Variants in DGKD observed in about 807,000 individuals in gnomAD.
The protein encoded by DGKD is diacylglycerol kinase delta.
DGKD carries 68 observed loss-of-function variants against 154.4 expected under a neutral mutation model. The ratio of observed to expected loss-of-function variants is 0.44; its 90% CI spans 0.36 to 0.54. The LOEUF (loss-of-function observed/expected upper bound fraction) is 0.54, where lower values mean the gene tolerates loss of function less well. Ranked by LOEUF, DGKD falls within the 20% of genes least tolerant of loss-of-function variation. The pLI is 0.00. For missense variants in DGKD, 1,343 were observed against 1,593.6 expected, an observed-to-expected ratio of 0.84 and a Z score of 2.68; for synonymous variants, 693 against 638.0, an observed-to-expected ratio of 1.09 and a Z score of -1.30.
intron 2 of DGKD, chr2:233,388,602 G>A (rs1483480556): frequency 5.3e-6 from 2 of 379,868 alleles, no homozygotes; most frequent in South Asian, 7.9e-5. Context: ...CGGTAATGGG[G>A]AAAAGGAAAA....
chr2:233,369,801 A>G (rs1265690304), intron 1 of DGKD, among the ~76,000 whole-genome samples: 1 of 151,976 alleles, frequency 6.6e-6, no homozygotes, highest in Non-Finnish European at 1.5e-5. Context: ...TTCCGTGTCC[A>G]TGTGTGTTCC....
At chr2:233,394,679 G>T (rs1410695307) in intron 3 of DGKD, among the ~76,000 whole-genome samples, 10 of 73,296 alleles carry the variant, frequency 1.4e-4, no homozygotes, top group East Asian at 1.3e-3. Context: ...TTATTATTTT[G>T]AATTTAATTC....
At position 233,449,817 on chromosome 2, in the gene DGKD, AG is replaced by A. The variant is rs1391641711; in HGVS notation, c.1889-160del. Among the ~76,000 whole-genome samples the A allele has an allele frequency of 1.3e-5, 2 of 151,390 alleles. No individual in the cohort carries two copies. The highest frequency in any genetic ancestry group is 3.0e-5 in the Non-Finnish European group (2 of 67,744). ...GACGCCCTGCCCCAGTGCCAGGACCAGGGGGAAGATGGGTGGGGGTGGGGTT... is the reference window on the plus strand; with the variant it reads ...GACGCCCTGCCCCAGTGCCAGGACCAGGGGAAGATGGGTGGGGGTGGGGTT... On this transcript the variant is annotated intron_variant, in intron 15 of 29. Coordinates refer to ENST00000264057, the MANE Select transcript of DGKD (RefSeq NM_152879.3). This position sits in a 1 kb window ranked among gnomAD's most constrained non-coding sequence, Gnocchi z 5.3.
At position 233,449,137 on chromosome 2, in the gene DGKD, T is replaced by C. The variant is rs2124859070; in HGVS notation, c.1649T>C (p.Leu550Pro). Residue 550 changes from leucine to proline, a missense_variant, in exon 15 of 30, where the codon CTC becomes CCC. Coordinates refer to ENST00000264057, the MANE Select transcript of DGKD (RefSeq NM_152879.3). The surrounding 1 kb of genome is among the most constrained non-coding windows in gnomAD (Gnocchi z 5.3). ...CTGAAAGAGAAGCTGGATTCCCTTC[T>C]CAAGACCTTGGACGATGAGTCCCAG... is the stretch of plus-strand genomic sequence containing the variant. Reference protein sequence around the residue: ...SVLKEKLDSLLKTLDDESQAS... With the variant: ...SVLKEKLDSLPKTLDDESQAS... The C allele has an allele frequency of 6.2e-7, 1 of 1,606,316 alleles. No homozygotes were observed. Among genetic ancestry groups the C allele is most frequent in the South Asian group, 1.1e-5 (1 of 90,926 alleles).
At chr2:233,429,278 T>C (rs1040756292) in intron 3 of DGKD, 10 of 985,240 alleles carry the variant, frequency 1.0e-5, no homozygotes, top group South Asian at 4.7e-5. Flanking sequence ...ACTCCTAATA[T>C]AATCCCCGAG....
chr2:233,388,413 C>T (rs772394423), intron 2 of DGKD, 46 bp downstream of exon 2: 17 of 1,564,222 alleles, frequency 1.1e-5, no homozygotes, highest in Middle Eastern at 1.7e-4. Flanking sequence ...TCACAGGAGC[C>T]GTCCCAGGGG....
intron 2 of DGKD, chr2:233,389,109 C>G (rs1357188020): frequency 6.6e-6 from 1 of 152,362 alleles, no homozygotes; most frequent in East Asian, 1.9e-4. Context: ...AAGTAATCTG[C>G]CCGCCTTGGC....
rs1209789373 is a variant in DGKD at position 233,354,737 on chromosome 2, C to T, written c.156+63C>T. The T allele has an allele frequency of 1.3e-4, 123 of 942,594 alleles. 1 individual carries two copies. The highest frequency in any genetic ancestry group is 1.2e-4 in the East Asian group (1 of 8,422). The allele number at this position is 942,594 out of a possible 1,614,324, so 58.4% of individuals were successfully genotyped here. On this transcript the variant is annotated intron_variant, in intron 1 of 29. Transcript: ENST00000264057. This position sits in a 1 kb window ranked among gnomAD's most constrained non-coding sequence, Gnocchi z 4.8. ...CACGCCGCGGCAGCCCCGGCCGAGG[C>T]CCGTGGCCCTGCCCGAGCGGCCGCC...
chr2:233,431,823 C>T (rs1559538738), intron 3 of DGKD, among the ~76,000 whole-genome samples: 1 of 152,162 alleles, frequency 6.6e-6, no homozygotes, highest in Non-Finnish European at 1.5e-5. Flanking sequence ...AATATCAAAT[C>T]AAAATGGATT....
At chr2:233,365,186 CAAAG>C (rs1031692278) in intron 1 of DGKD, among the ~76,000 whole-genome samples, 6 of 149,742 alleles carry the variant, frequency 4.0e-5, no homozygotes, top group South Asian at 2.1e-4. Context: ...ATCAAGTAGA[CAAAG>C]AAATTTGTAA....
intron 3 of DGKD, among the ~76,000 whole-genome samples, chr2:233,416,049 C>T (rs986926506): frequency 3.3e-5 from 5 of 152,178 alleles, no homozygotes; most frequent in South Asian, 4.1e-4. Context: ...CCAGTTTTCC[C>T]GGCTGCTTGT....
chr2:233,408,168 A>G (rs2061733303), intron 3 of DGKD, among the ~76,000 whole-genome samples: 1 of 149,958 alleles, frequency 6.7e-6, no homozygotes, highest in South Asian at 2.1e-4. Context: ...TCAGCCTCCC[A>G]AGTAGCTGGG....
At chr2:233,437,844 C>G (rs2062750646) in intron 8 of DGKD, among the ~76,000 whole-genome samples, 2 of 152,244 alleles carry the variant, frequency 1.3e-5, no homozygotes, top group Non-Finnish European at 2.9e-5. Context: ...TGTGCCCCAT[C>G]TCTGCCTAGC....
chr2:233,376,098 C>T (rs838709), intron 1 of DGKD, among the ~76,000 whole-genome samples: 15 of 151,900 alleles, frequency 9.9e-5, no homozygotes, highest in Non-Finnish European at 1.6e-4. Context: ...AACCACAGAG[C>T]GCATGTGTGT....
rs1042247606 is a variant in DGKD at position 233,449,851 on chromosome 2, C to T, written c.1889-131C>T. On this transcript the variant is annotated intron_variant, in intron 15 of 29. Transcript: ENST00000264057. This position sits in a 1 kb window ranked among gnomAD's most constrained non-coding sequence, Gnocchi z 5.3. ...ATGGGTGGGGGTGGGGTTTCGGAGT[C>T]CAAGCCTTTAGCCAGAGGTTGTTTG... is the stretch of plus-strand genomic sequence containing the variant. 8.5e-7 allele frequency: 1 copy of T among 1,170,062 alleles called. No homozygotes were observed. The highest frequency in any genetic ancestry group is 1.6e-5 in the African/African-American group (1 of 64,436). The allele number at this position is 1,170,062 out of a possible 1,614,324, so 72.5% of individuals were successfully genotyped here. A position where few individuals can be genotyped will look rare whatever the true frequency, so the allele number is the denominator to read the frequency against.
intron 1 of DGKD, among the ~76,000 whole-genome samples, chr2:233,360,626 T>G (rs983665484): frequency 1.3e-5 from 2 of 152,150 alleles, no homozygotes; most frequent in Non-Finnish European, 2.9e-5. Flanking sequence ...TGGGCTCAAG[T>G]GATCCTCCTG....
At chr2:233,406,778 A>G (rs774061166) in intron 3 of DGKD, among the ~76,000 whole-genome samples, 4 of 152,194 alleles carry the variant, frequency 2.6e-5, no homozygotes, top group Non-Finnish European at 4.4e-5. Context: ...TGACTTCTCC[A>G]AAGTGTGACA....
chr2:233,375,553 G>A (rs1379642411), intron 1 of DGKD, among the ~76,000 whole-genome samples: 4 of 152,124 alleles, frequency 2.6e-5, no homozygotes, highest in African/African-American at 7.2e-5. Context: ...CAGCACTGCC[G>A]CATTGTTCTC....
At position 233,436,344 on chromosome 2, in the gene DGKD, G is replaced by T; in HGVS notation, c.722G>T (p.Gly241Val). 1 of 1,614,216 alleles carries T rather than the reference G, an allele frequency of 6.2e-7. No homozygotes were observed. The highest frequency in any genetic ancestry group is 1.1e-5 in the South Asian group (1 of 91,072). ...GIAMPHQWLEGNLPVSAKCTV... is the reference protein window; with the variant it reads ...GIAMPHQWLEVNLPVSAKCTV... The stretch of plus-strand genomic sequence containing the variant: ...GCAATGCCCCACCAGTGGTTGGAAG[G>T]AAACCTACCTGTGAGCGCCAAGTGC... Residue 241 changes from glycine (G) to valine (V), a missense_variant, in exon 7 of 30, where the codon GGA (glycine) becomes GTA (valine). Transcript: ENST00000264057.
Sources: gnomAD v4.1 joint callset for allele counts (sites outside exome capture counted in the v4.1 genomes callset) on GRCh38, gnomAD v4.1.1 for gene constraint, Gnocchi (gnomAD v3.1) non-coding constraint, MANE v1.5 for transcripts, NCBI Gene and HGNC (gene_info 2026-07-23, HGNC 2026-07-21) for gene names.